KCND3: variants seen among roughly 807,000 people sequenced by gnomAD.
The protein encoded by KCND3 is potassium voltage-gated channel subfamily D member 3, also known as A-type voltage-gated potassium channel KCND3.
In KCND3, 9 loss-of-function variants were observed where a neutral mutation model predicts 51.1. That is an observed-to-expected ratio of 0.18 (90% confidence interval 0.11 to 0.31). The LOEUF is 0.31. Among genes scored for constraint, KCND3 ranks in the 10% least tolerant of loss-of-function variants. KCND3 has a pLI of 1.00. For missense variants in KCND3, 526 were observed against 903.8 expected (o/e 0.58, Z 5.36); for synonymous variants, 349 against 368.0 (o/e 0.95, Z 0.59).
rs191885185 is a variant in KCND3, at chr1:111,897,265, C to T, written c.1106+84356G>A. Among the ~76,000 whole-genome samples, 4 of 152,320 alleles carry T rather than the reference C, an allele frequency of 2.6e-5. No homozygotes were observed. The East Asian group carries it at 7.7e-4, about 29-fold the overall frequency. The stretch of plus-strand genomic sequence containing the variant: ...CCCAGGGCGGCCTGCCTCTCTGCAC[C>T]CTGGTGGTCCTCACAGCCTAGAGAA... On this transcript the variant is annotated intron_variant, in intron 2 of 7. Transcript: ENST00000302127.
intron 2 of KCND3, among the ~76,000 whole-genome samples, chr1:111,920,404 C>T (rs987796381): frequency 2.0e-5 from 3 of 152,250 alleles, no homozygotes; most frequent in South Asian, 2.1e-4. Flanking sequence ...TTCCTAGATA[C>T]GCCAGTGGCT....
intron 2 of KCND3, among the ~76,000 whole-genome samples, chr1:111,906,239 A>G (rs1191909307): frequency 6.6e-6 from 1 of 152,186 alleles, no homozygotes; most frequent in Non-Finnish European, 1.5e-5. Context: ...TTTAAAGTGC[A>G]TGTGGTGTGC....
At chr1:111,802,709 G>A (rs142325093) in intron 2 of KCND3, among the ~76,000 whole-genome samples, 1 of 152,344 alleles carries the variant, frequency 6.6e-6, no homozygotes, top group African/African-American at 2.4e-5. Context: ...TGAGCCTGTA[G>A]CAGGACTAAA....
intron 2 of KCND3, among the ~76,000 whole-genome samples, chr1:111,977,435 A>G (rs991167435): frequency 1.3e-5 from 2 of 152,174 alleles, no homozygotes; most frequent in Non-Finnish European, 2.9e-5. Context: ...CCTGCTTGGA[A>G]GAAGTAAAAA....
intron 2 of KCND3, among the ~76,000 whole-genome samples, chr1:111,813,988 G>A (rs1174739025): frequency 6.6e-6 from 1 of 152,212 alleles, no homozygotes. Flanking sequence ...GTCTCCCTGA[G>A]CTTTTTACAC....
intron 2 of KCND3, among the ~76,000 whole-genome samples, chr1:111,905,003 C>T (rs71673441): frequency 0.085 from 13,000 of 152,252 alleles, 883 homozygotes; most frequent in South Asian, 0.23. Context: ...GTGTTATTCA[C>T]GCCGGAAGTC....
chr1:111,881,079 C>T (rs1247695600), intron 2 of KCND3, among the ~76,000 whole-genome samples: 2 of 152,164 alleles, frequency 1.3e-5, no homozygotes, highest in African/African-American at 4.8e-5. Context: ...AGCCTGGAAG[C>T]CTTGCATGTC....
At chr1:111,980,529 C>T (rs1674893076) in intron 2 of KCND3, among the ~76,000 whole-genome samples, 1 of 151,990 alleles carries the variant, frequency 6.6e-6, no homozygotes, top group Non-Finnish European at 1.5e-5. Context: ...CACCACCAAC[C>T]ACACTGTCAA....
At chr1:111,861,375 G>T (rs945639415) in intron 2 of KCND3, among the ~76,000 whole-genome samples, 2 of 152,148 alleles carry the variant, frequency 1.3e-5, no homozygotes, top group Non-Finnish European at 2.9e-5. Context: ...TACTTTATGT[G>T]TAGATTTAGG....
chr1:111,934,094 G>A (rs553911873), intron 2 of KCND3, among the ~76,000 whole-genome samples: 24 of 152,280 alleles, frequency 1.6e-4, no homozygotes, highest in Admixed American at 2.6e-4. Context: ...AGGTCAGTTT[G>A]TGGCAGCCGA....
intron 2 of KCND3, among the ~76,000 whole-genome samples, chr1:111,867,820 C>T (rs1323761131): frequency 6.6e-6 from 1 of 152,178 alleles, no homozygotes; most frequent in Non-Finnish European, 1.5e-5. Context: ...CAGTGAAAAT[C>T]CTAGCAATGT....
rs189419520 is a variant in KCND3, at chr1:111,808,854, A to C, written c.1107-21748T>G. Among the ~76,000 whole-genome samples the C allele has an allele frequency of 7.9e-4, 121 of 152,368 alleles. 1 individual carries two copies. Among genetic ancestry groups the C allele is most frequent in the Non-Finnish European group, 4.9e-4 (33 of 68,034 alleles). On this transcript the variant is annotated intron_variant, in intron 2 of 7. Transcript: ENST00000302127. ...CGCCTGTTTAAGGACTTGGAGAACCAAGATGTGCCTTGCCAAAGAGGCCTC... is the reference window on the plus strand; with the variant it reads ...CGCCTGTTTAAGGACTTGGAGAACCCAGATGTGCCTTGCCAAAGAGGCCTC...
intron 2 of KCND3, among the ~76,000 whole-genome samples, chr1:111,803,457 C>T (rs1331245497): frequency 6.6e-6 from 1 of 152,152 alleles, no homozygotes; most frequent in African/African-American, 2.4e-5. Context: ...TAGAGGTGGT[C>T]CTTAGGGCTG....
chr1:111,868,347 A>AT (rs1668673052), intron 2 of KCND3, among the ~76,000 whole-genome samples: 1 of 152,188 alleles, frequency 6.6e-6, no homozygotes, highest in African/African-American at 2.4e-5. Context: ...TAACTGCTGC[A>AT]TTTCCCAGTG....
chr1:111,832,279 G>T (rs905683296), intron 2 of KCND3, among the ~76,000 whole-genome samples: 3 of 152,296 alleles, frequency 2.0e-5, no homozygotes, highest in African/African-American at 7.2e-5. Flanking sequence ...TAGACACAAT[G>T]GTGAAGAACC....
At chr1:111,805,186 C>T (rs1025019133) in intron 2 of KCND3, among the ~76,000 whole-genome samples, 46 of 152,042 alleles carry the variant, frequency 3.0e-4, no homozygotes, top group African/African-American at 9.9e-4. Flanking sequence ...AATGACTCAA[C>T]AGACTATTAG....
chr1:111,989,651 AGC>A lies in KCND3; in HGVS notation c.-221_-220del, dbSNP rs1675523159. 6.7e-6 allele frequency: 1 copy of A among 148,228 alleles called. No individual in the cohort carries two copies. Among genetic ancestry groups the A allele is most frequent in the Non-Finnish European group, 1.5e-5 (1 of 66,174 alleles). 9.2% of individuals were successfully genotyped at this position (148,228 alleles called of 1,614,324 possible). On this transcript the variant is annotated 5_prime_UTR_variant, in exon 1 of 8. Transcript: ENST00000302127. ...GCCGCTCGCGCGGCTCCTCCTCGCC[AGC>A]GCAGTCTCGCTCGCTGCCTCCCTCG...
chr1:111,885,034 C>T (rs775777672), intron 2 of KCND3, among the ~76,000 whole-genome samples: 41 of 152,104 alleles, frequency 2.7e-4, no homozygotes, highest in Non-Finnish European at 4.4e-4. Context: ...CAGACATGGC[C>T]GAATGTCCCC....
chr1:111,955,364 T>C (rs1294781109), intron 2 of KCND3, among the ~76,000 whole-genome samples: 1 of 152,016 alleles, frequency 6.6e-6, no homozygotes, highest in East Asian at 1.9e-4. Context: ...CAGTGAGCCA[T>C]GACTGCATCA....
Sources: allele counts gnomAD v4.1 joint callset (sites outside exome capture counted in the v4.1 genomes callset), GRCh38; gene constraint gnomAD v4.1.1; transcripts MANE v1.5; gene names NCBI Gene and HGNC (gene_info 2026-07-23, HGNC 2026-07-21).